Variants in TMEM150C observed in about 807,000 individuals in gnomAD.
TMEM150C encodes the protein tentonin 3.
A neutral mutation model predicts 29.9 loss-of-function variants in TMEM150C; 10 were observed. The ratio of observed to expected loss-of-function variants is 0.33; its 90% CI spans 0.21 to 0.57. The LOEUF is 0.57. TMEM150C is among the 20% of genes least tolerant of loss of function. TMEM150C has a pLI of 0.88. For missense variants in TMEM150C, 251 were observed against 303.6 expected, an observed-to-expected ratio of 0.83 and a Z score of 1.29; for synonymous variants, 101 against 112.5, an observed-to-expected ratio of 0.90 and a Z score of 0.64.
intron 1 of TMEM150C, among the ~76,000 whole-genome samples, chr4:82,523,100 T>G (rs2138766): frequency 0.66 from 100,419 of 152,000 alleles, 36,134 homozygotes; most frequent in East Asian, 0.93. Flanking sequence ...ACACCAGGGT[T>G]CTTTGTCCTC....
rs771624310 is a variant in TMEM150C at position 82,496,156 on chromosome 4, G to C, written c.275C>G (p.Pro92Arg). Residue 92 changes from proline to arginine, a missense_variant, in exon 6 of 8, where the codon CCG (proline) becomes CGG (arginine). By Grantham distance (103) the Pro-to-Arg change is moderately radical. Coordinates refer to ENST00000449862, the MANE Select transcript of TMEM150C (RefSeq NM_001080506.3). The stretch of plus-strand genomic sequence containing the variant: ...ATTCAGCCACGGGTTTAAAACCTTC[G>C]GTTTCAGTTGTATGAAGCGCAGAAC... Reference protein sequence around the residue: ...VAVLRFIQLKPKVLNPWLNIS... With the variant: ...VAVLRFIQLKRKVLNPWLNIS... 1.2e-6 allele frequency: 2 copies of C among 1,613,900 alleles called. No individual in the cohort carries two copies. Among genetic ancestry groups the C allele is most frequent in the East Asian group, 4.5e-5 (2 of 44,870 alleles).
intron 1 of TMEM150C, among the ~76,000 whole-genome samples, chr4:82,525,617 T>G (rs1448934772): frequency 6.6e-6 from 1 of 152,244 alleles, no homozygotes; most frequent in African/African-American, 2.4e-5. Flanking sequence ...GCCCTTTCTC[T>G]CTGGCAGAAA....
intron 1 of TMEM150C, among the ~76,000 whole-genome samples, chr4:82,537,717 T>C (rs376010438): frequency 3.3e-5 from 5 of 152,206 alleles, no homozygotes; most frequent in African/African-American, 1.2e-4. Context: ...CTGATGTCCT[T>C]ATAAAAAAGA....
At chr4:82,495,770 C>A in intron 6 of TMEM150C, 1 of 387,648 alleles carries the variant, frequency 2.6e-6, no homozygotes, top group East Asian at 5.6e-5. Flanking sequence ...CATTCTTCAC[C>A]CAGAGCATAA....
intron 1 of TMEM150C, among the ~76,000 whole-genome samples, chr4:82,558,264 C>T (rs1725806332): frequency 1.3e-5 from 2 of 152,280 alleles, no homozygotes; most frequent in Admixed American, 6.5e-5. Flanking sequence ...TTCAGTTCCT[C>T]AATTACACTA....
chr4:82,494,782 AATTT>A, intron 6 of TMEM150C: 1 of 244,052 alleles, frequency 4.1e-6, no homozygotes, highest in Non-Finnish European at 7.5e-6. Context: ...CAATGTTCCT[AATTT>A]TTTTTTTTTT....
chr4:82,558,542 T>G (rs941459669), intron 1 of TMEM150C, among the ~76,000 whole-genome samples: 2 of 152,162 alleles, frequency 1.3e-5, no homozygotes, highest in Non-Finnish European at 2.9e-5. Flanking sequence ...CAAAATATTC[T>G]AAATGGCTGA....
chr4:82,555,876 C>T (rs923413774), intron 1 of TMEM150C, among the ~76,000 whole-genome samples: 2 of 152,178 alleles, frequency 1.3e-5, no homozygotes, highest in African/African-American at 4.8e-5. Flanking sequence ...TCACTATTAG[C>T]TATTATTTTT....
chr4:82,553,535 C>A (rs953269262), intron 1 of TMEM150C, among the ~76,000 whole-genome samples: 10 of 152,330 alleles, frequency 6.6e-5, no homozygotes, highest in African/African-American at 2.4e-4. Context: ...CATTTTCTGG[C>A]TCTGAGACAC....
chr4:82,546,610 C>T (rs59541611), intron 1 of TMEM150C, among the ~76,000 whole-genome samples: 15,289 of 152,046 alleles, frequency 0.1, 814 homozygotes, highest in Middle Eastern at 0.24. Flanking sequence ...GGGCAGATTA[C>T]GAGGCCAGGA....
intron 1 of TMEM150C, among the ~76,000 whole-genome samples, chr4:82,525,325 A>C (rs1380212922): frequency 6.6e-6 from 1 of 152,236 alleles, no homozygotes; most frequent in Non-Finnish European, 1.5e-5. Flanking sequence ...ATGAAAGTAC[A>C]TTCTGAGAAT....
At chr4:82,538,666 T>C (rs1017835372) in intron 1 of TMEM150C, among the ~76,000 whole-genome samples, 3 of 152,102 alleles carry the variant, frequency 2.0e-5, no homozygotes, top group African/African-American at 7.2e-5. Flanking sequence ...AAATAAACCA[T>C]TACCCCGGAG....
intron 1 of TMEM150C, among the ~76,000 whole-genome samples, chr4:82,555,807 G>C (rs966829210): frequency 6.6e-6 from 1 of 152,306 alleles, no homozygotes; most frequent in African/African-American, 2.4e-5. Context: ...TGTTGTGAGA[G>C]ACAAGATAAG....
At chr4:82,504,268 A>G (rs1723829739) in intron 2 of TMEM150C, among the ~76,000 whole-genome samples, 1 of 152,156 alleles carries the variant, frequency 6.6e-6, no homozygotes, top group South Asian at 2.1e-4. Context: ...CAGTGGCGCA[A>G]TCTCAGCTCA....
At chr4:82,503,148 T>C (rs1013934779) in intron 2 of TMEM150C, 36 bp from the exon 3 acceptor site, 3 of 1,458,920 alleles carry the variant, frequency 2.1e-6, no homozygotes, top group Admixed American at 4.1e-5. Flanking sequence ...AACAAAGAAA[T>C]TGGAAAAAAG....
Position 82,540,271 on chromosome 4 carries a change from C to T in TMEM150C, c.-11+21635G>A, listed in dbSNP as rs186881486. Among the ~76,000 whole-genome samples, 93 of 150,790 alleles carry T rather than the reference C, an allele frequency of 6.2e-4. 1 individual carries two copies. The highest frequency in any genetic ancestry group is 1.9e-3 in the African/African-American group (80 of 41,188). The stretch of plus-strand genomic sequence containing the variant: ...GACTACAGGTGCATGCCACCATGCC[C>T]GGCTAATTTATTGATGTTTTTGTTG... On this transcript the variant is annotated intron_variant, in intron 1 of 7. Transcript: ENST00000449862.
intron 1 of TMEM150C, among the ~76,000 whole-genome samples, chr4:82,540,504 A>G (rs1263930300): frequency 6.6e-6 from 1 of 151,810 alleles, no homozygotes; most frequent in Non-Finnish European, 1.5e-5. Flanking sequence ...TTTTCCATCT[A>G]AGCATTATTA....
intron 6 of TMEM150C, chr4:82,494,726 G>C (rs546960319): frequency 4.4e-6 from 1 of 227,964 alleles, no homozygotes; most frequent in Admixed American, 5.4e-5. Context: ...ACCAGGCTGA[G>C]AGACTAGAAA....
At chr4:82,548,935 G>A (rs1247742357) in intron 1 of TMEM150C, among the ~76,000 whole-genome samples, 1 of 152,244 alleles carries the variant, frequency 6.6e-6, no homozygotes, top group East Asian at 1.9e-4. Flanking sequence ...GTGGTGATAG[G>A]TGAGCCAGAG....
Sources: gnomAD v4.1 joint callset for allele counts (sites outside exome capture counted in the v4.1 genomes callset) on GRCh38, gnomAD v4.1.1 for gene constraint, MANE v1.5 for transcripts, NCBI Gene and HGNC (gene_info 2026-07-23, HGNC 2026-07-21) for gene names.